ENPP3: variants seen among roughly 807,000 people sequenced by gnomAD.
The protein encoded by ENPP3 is ectonucleotide pyrophosphatase/phosphodiesterase family member 3.
A neutral mutation model predicts 117.8 loss-of-function variants in ENPP3; 104 were observed. The observed-to-expected ratio is 0.88, with a 90% confidence interval of 0.75 to 1.04. The LOEUF (loss-of-function observed/expected upper bound fraction) is 1.04, where lower values mean the gene tolerates loss of function less well. Ranked by LOEUF, ENPP3 falls within the 50% of genes least tolerant of loss-of-function variation. The probability of loss-of-function intolerance (pLI) is 0.00; values close to 1 mark genes in which losing one functional copy is unlikely to be tolerated. For missense variants in ENPP3, 1,026 were observed against 1,051.9 expected (o/e 0.98, Z 0.34); for synonymous variants, 380 against 349.9 (o/e 1.09, Z -0.96).
At position 131,701,136 on chromosome 6, in the gene ENPP3, T is replaced by G. The variant is rs1779518186; in HGVS notation, c.1412+7512T>G. 4 of 683,198 alleles carry G rather than the reference T, an allele frequency of 5.9e-6. No individual in the cohort carries two copies. The East Asian group carries it at 1.1e-4, about 19-fold the overall frequency. The allele number at this position is 683,198 out of a possible 1,614,324, so 42.3% of individuals were successfully genotyped here. ...CATGCGGCCCGCAAAGGAGATGGGC[T>G]TGGCTGGATGCAGGAGGTTCACCAG... is the stretch of plus-strand genomic sequence containing the variant. On this transcript the variant is annotated intron_variant, in intron 15 of 24. Transcript: ENST00000357639.
chr6:131,719,132 T>G (rs1055744018), intron 16 of ENPP3, among the ~76,000 whole-genome samples: 1 of 151,920 alleles, frequency 6.6e-6, no homozygotes. Flanking sequence ...TGGGGTACCC[T>G]GGGGGGCAGT....
rs1230529688 is a variant in ENPP3 at position 131,733,633 on chromosome 6, G to A, written c.1999G>A (p.Ala667Thr). Reference sequence around the variant, plus strand: ...TCCCACTGTCCCAGACTGTCTGCGGGCTGATGTCAGGGTTCCTCCTTCTGA... The same window carrying A: ...TCCCACTGTCCCAGACTGTCTGCGGACTGATGTCAGGGTTCCTCCTTCTGA... ...LPPTVPDCLR[A>T]DVRVPPSESQ... The change falls in exon 21 of 25, where the codon GCT (alanine) becomes ACT (threonine). Residue 667 changes from alanine to threonine, a missense_variant. Transcript: ENST00000357639. The A allele has an allele frequency of 2.5e-6, 4 of 1,614,096 alleles. No homozygotes were observed. Among genetic ancestry groups the A allele is most frequent in the South Asian group, 1.1e-5 (1 of 91,078 alleles).
At chr6:131,672,421 G>A (rs1778764401) in intron 7 of ENPP3, among the ~76,000 whole-genome samples, 1 of 152,118 alleles carries the variant, frequency 6.6e-6, no homozygotes, top group Non-Finnish European at 1.5e-5. Flanking sequence ...AAATATGTGT[G>A]TTAGGTAAAC....
At chr6:131,689,289 G>T (rs1779227151) in intron 14 of ENPP3, among the ~76,000 whole-genome samples, 1 of 152,150 alleles carries the variant, frequency 6.6e-6, no homozygotes, top group Admixed American at 6.5e-5. Flanking sequence ...CTAGAGAAGA[G>T]AAGTCAATGC....
At chr6:131,722,533 T>C in intron 18 of ENPP3, 128 bp downstream of exon 18, 1 of 710,856 alleles carries the variant, frequency 1.4e-6, no homozygotes, top group Non-Finnish European at 2.4e-6. Context: ...AGTAAATATA[T>C]GTGGTTTCTC....
intron 15 of ENPP3, among the ~76,000 whole-genome samples, chr6:131,695,732 G>C (rs1779390555): frequency 6.6e-6 from 1 of 152,036 alleles, no homozygotes; most frequent in African/African-American, 2.4e-5. Context: ...TGGCCAACAT[G>C]GTGAAACCCC....
At chr6:131,745,971 A>C (rs1780627689) in intron 24 of ENPP3, among the ~76,000 whole-genome samples, 1 of 152,086 alleles carries the variant, frequency 6.6e-6, no homozygotes, top group South Asian at 2.1e-4. Flanking sequence ...ATATTAAAAA[A>C]TTAGCTGGGT....
At chr6:131,657,494 A>T (rs937523252) in intron 5 of ENPP3, among the ~76,000 whole-genome samples, 2 of 152,232 alleles carry the variant, frequency 1.3e-5, no homozygotes, top group African/African-American at 4.8e-5. Context: ...GGACAGTAGA[A>T]TAAGTTCTGG....
rs1562427308 is a variant in ENPP3, at chr6:131,650,073, G to A, written c.201G>A (p.Glu67=). The stretch of plus-strand genomic sequence containing the variant: ...TTGATGCATCATTTAGAGGACTGGA[G>A]AACTGCCGGTGTGATGTGGCATGTA... ...KCFDASFRGL[E]NCRCDVACKD... Residue 67 remains glutamate, a synonymous_variant, in exon 3 of 25, where the codon GAG becomes GAA. Transcript: ENST00000357639. 3.1e-6 allele frequency: 5 copies of A among 1,614,066 alleles called. No individual in the cohort carries two copies. The highest frequency in any genetic ancestry group is 3.4e-6 in the Non-Finnish European group (4 of 1,179,970).
At chr6:131,722,996 C>G (rs1266964023) in intron 18 of ENPP3, among the ~76,000 whole-genome samples, 2 of 152,156 alleles carry the variant, frequency 1.3e-5, no homozygotes, top group African/African-American at 4.8e-5. Flanking sequence ...GCCCCAAGGG[C>G]AAGGAGTCAT....
intron 3 of ENPP3, among the ~76,000 whole-genome samples, chr6:131,651,399 G>T (rs941345714): frequency 1.3e-5 from 2 of 152,168 alleles, no homozygotes; most frequent in Non-Finnish European, 2.9e-5. Flanking sequence ...CCGAGGTTGA[G>T]GAATAACAGG....
At chr6:131,694,336 G>A (rs529357015) in intron 15 of ENPP3, among the ~76,000 whole-genome samples, 28 of 152,176 alleles carry the variant, frequency 1.8e-4, no homozygotes, top group Non-Finnish European at 3.7e-4. Flanking sequence ...CTGCTCTCAT[G>A]TACTGTAGTG....
intron 6 of ENPP3, among the ~76,000 whole-genome samples, chr6:131,661,611 T>C (rs1329883135): frequency 6.6e-6 from 1 of 152,110 alleles, no homozygotes; most frequent in African/African-American, 2.4e-5. Context: ...TGATATGCAT[T>C]TTTCTGATGA....
intron 1 of ENPP3, among the ~76,000 whole-genome samples, chr6:131,639,387 T>C (rs942364107): frequency 4.0e-5 from 6 of 151,258 alleles, no homozygotes; most frequent in African/African-American, 1.5e-4. Context: ...TTGGCTCAAA[T>C]GATCTTCCCA....
At chr6:131,648,582 A>C (rs1778196541) in intron 2 of ENPP3, among the ~76,000 whole-genome samples, 1 of 152,286 alleles carries the variant, frequency 6.6e-6, no homozygotes, top group Middle Eastern at 3.4e-3. Context: ...CCTGAAACAT[A>C]ATGATGCTAA....
intron 20 of ENPP3, 83 bp downstream of exon 20, chr6:131,726,283 A>G: frequency 7.6e-7 from 1 of 1,316,734 alleles, no homozygotes. Context: ...TTTGTTTTGC[A>G]GCAGAGATTC....
chr6:131,658,291 A>C (rs188609698), intron 5 of ENPP3, 32 bp from the exon 6 acceptor site: 1 of 1,237,008 alleles, frequency 8.1e-7, no homozygotes, highest in African/African-American at 1.5e-5. Flanking sequence ...AGCTATCCAA[A>C]ACAATGGACA....
chr6:131,641,836 C>T (rs1196013390), intron 2 of ENPP3, among the ~76,000 whole-genome samples: 7 of 83,036 alleles, frequency 8.4e-5, no homozygotes, highest in African/African-American at 3.2e-4. Context: ...CAAGATCTCA[C>T]TCTGTCTCTC....
At position 131,678,958 on chromosome 6, in the gene ENPP3, T is replaced by TTTCTTTCTTTCTTTCCTTCC. The variant is rs780684077; in HGVS notation, c.1011+1021_1011+1022insTTTCTTTCTTTCCTTCCTTC. Among the ~76,000 whole-genome samples, 18 of 82,964 alleles carry TTTCTTTCTTTCTTTCCTTCC rather than the reference T, an allele frequency of 2.2e-4. No individual in the cohort carries two copies. The South Asian group carries it at 2.8e-3, about 13-fold the overall frequency. 54.4% of individuals were successfully genotyped at this position (82,964 alleles called of 152,430 possible). On this transcript the variant is annotated intron_variant, in intron 11 of 24. Coordinates refer to ENST00000357639, the MANE Select transcript of ENPP3 (RefSeq NM_005021.5). ...CTTTCTTTCTTTCTTTCTTTCTTTCTTTCCTTCCTTCCTTCCTTCCTTCCT... is the reference window on the plus strand; with the variant it reads ...CTTTCTTTCTTTCTTTCTTTCTTTCTTTCTTTCTTTCTTTCCTTCCTTCCTTCCTTCCTTCCTTCCTTCCT...
Sources: gnomAD v4.1 joint callset for allele counts (sites outside exome capture counted in the v4.1 genomes callset) on GRCh38, gnomAD v4.1.1 for gene constraint, MANE v1.5 for transcripts, NCBI Gene and HGNC (gene_info 2026-07-23, HGNC 2026-07-21) for gene names.